DDX10: variants seen among roughly 807,000 people sequenced by gnomAD.
DDX10 encodes the protein DEAD-box helicase 10, also known as probable ATP-dependent RNA helicase DDX10.
Under a neutral mutation model 104.3 loss-of-function variants are expected in DDX10, and 74 were observed. The observed-to-expected ratio is 0.71, with a 90% CI of 0.59 to 0.86. The LOEUF is 0.86. DDX10 is among the 40% of genes least tolerant of loss of function. The probability of loss-of-function intolerance (pLI) is 0.00; values close to 1 mark genes in which losing one functional copy is unlikely to be tolerated. For synonymous variants in DDX10, 351 were observed against 353.4 expected (o/e 0.99, Z 0.08); for missense variants, 952 against 1,040.0 (o/e 0.92, Z 1.16).
At chr11:108,802,145 C>T (rs34848528) in intron 13 of DDX10, among the ~76,000 whole-genome samples, 22,201 of 151,736 alleles carry the variant, frequency 0.15, 1,711 homozygotes, top group East Asian at 0.25. Context: ...GTTGACTAAA[C>T]GTTATCCAAT....
At chr11:108,739,016 T>C (rs2094321724) in intron 13 of DDX10, among the ~76,000 whole-genome samples, 1 of 152,132 alleles carries the variant, frequency 6.6e-6, no homozygotes, top group African/African-American at 2.4e-5. Flanking sequence ...CTGGACAACT[T>C]TCGCCCCTGA....
At chr11:108,852,016 G>C in intron 15 of DDX10, 137 bp from the exon 16 acceptor site, 1 of 660,696 alleles carries the variant, frequency 1.5e-6, no homozygotes, top group Non-Finnish European at 2.6e-6. Context: ...CAATCCCATA[G>C]TAGTAGTCAG....
chr11:108,719,865 A>G lies in DDX10; in HGVS notation c.1479A>G (p.Leu493=), dbSNP rs1417411417. 3.1e-6 allele frequency: 5 copies of G among 1,590,222 alleles called. No individual in the cohort carries two copies. The highest frequency in any genetic ancestry group is 3.5e-6 in the Non-Finnish European group (4 of 1,158,298). ...AAGAAGTATTTGATGTGAGCAAGTT[A>G]CCTATACCTGAATATGCCCTGTAAG... The part of the protein sequence containing the change: ...KDKEVFDVSK[L]PIPEYALSLG... Residue 493 remains leucine (L), a synonymous_variant, in exon 12 of 18, where the codon TTA becomes TTG. Coordinates refer to ENST00000322536, the MANE Select transcript of DDX10 (RefSeq NM_004398.4).
At chr11:108,835,162 A>G (rs1862537041) in intron 13 of DDX10, among the ~76,000 whole-genome samples, 1 of 152,090 alleles carries the variant, frequency 6.6e-6, no homozygotes, top group Non-Finnish European at 1.5e-5. Flanking sequence ...GTTTACTGCC[A>G]CTGTATTTTT....
chr11:108,690,510 T>A (rs1288080503), intron 7 of DDX10: 1 of 155,288 alleles, frequency 6.4e-6, no homozygotes, highest in African/African-American at 2.4e-5. Flanking sequence ...GTTCCCCAAG[T>A]AGCCTCTTGG....
intron 16 of DDX10, among the ~76,000 whole-genome samples, chr11:108,882,841 G>T (rs1369491015): frequency 2.6e-5 from 4 of 152,052 alleles, no homozygotes; most frequent in Non-Finnish European, 5.9e-5. Context: ...GCTTTTGCTG[G>T]GCCAATGATA....
chr11:108,735,829 C>T (rs1184133948), intron 13 of DDX10, among the ~76,000 whole-genome samples: 1 of 152,056 alleles, frequency 6.6e-6, no homozygotes. Flanking sequence ...TTCAGACCTT[C>T]TTTGAACCTT....
intron 10 of DDX10, among the ~76,000 whole-genome samples, chr11:108,708,742 A>G (rs565758559): frequency 6.6e-5 from 10 of 151,944 alleles, no homozygotes. Context: ...TAAATTTTGT[A>G]TTTTTAGTAG....
At chr11:108,694,510 C>G (rs1331018288) in intron 9 of DDX10, among the ~76,000 whole-genome samples, 3 of 152,222 alleles carry the variant, frequency 2.0e-5, no homozygotes, top group African/African-American at 7.2e-5. Context: ...CTCCCTATCT[C>G]TCCTTCTTCC....
intron 13 of DDX10, among the ~76,000 whole-genome samples, chr11:108,754,879 G>C (rs1170294610): frequency 6.6e-6 from 1 of 152,026 alleles, no homozygotes; most frequent in African/African-American, 2.4e-5. Flanking sequence ...CATCAGAAAA[G>C]GTTGGATTTT....
intron 16 of DDX10, among the ~76,000 whole-genome samples, chr11:108,888,150 C>G (rs144042424): frequency 4.1e-4 from 62 of 152,004 alleles, no homozygotes; most frequent in African/African-American, 1.4e-3. Context: ...GGAATAATGA[C>G]TATAATGAAA....
At chr11:108,804,605 A>T (rs2134561709) in intron 13 of DDX10, among the ~76,000 whole-genome samples, 1 of 152,208 alleles carries the variant, frequency 6.6e-6, no homozygotes, top group African/African-American at 2.4e-5. Context: ...GTCTGGGCAC[A>T]GCTTAGCTGG....
chr11:108,815,024 C>T (rs565833623), intron 13 of DDX10, among the ~76,000 whole-genome samples: 30 of 152,214 alleles, frequency 2.0e-4, no homozygotes, highest in Admixed American at 1.2e-3. Context: ...TAGGAATGTT[C>T]TTTATTTTAA....
At chr11:108,800,693 A>C (rs913701731) in intron 13 of DDX10, among the ~76,000 whole-genome samples, 1 of 152,174 alleles carries the variant, frequency 6.6e-6, no homozygotes. Flanking sequence ...TTTCCCATCA[A>C]TATGTGAGAT....
chr11:108,809,097 T>C (rs1039025985), intron 13 of DDX10, among the ~76,000 whole-genome samples: 1 of 152,126 alleles, frequency 6.6e-6, no homozygotes, highest in African/African-American at 2.4e-5. Flanking sequence ...TTGAGTGATA[T>C]ATTGGTTGAT....
chr11:108,829,280 A>G (rs536118720), intron 13 of DDX10, among the ~76,000 whole-genome samples: 1 of 151,994 alleles, frequency 6.6e-6, no homozygotes, highest in South Asian at 2.1e-4. Context: ...TTATTTTTTG[A>G]TTATGGCCAT....
intron 6 of DDX10, among the ~76,000 whole-genome samples, chr11:108,681,462 C>A (rs1432892423): frequency 6.6e-6 from 1 of 152,078 alleles, no homozygotes; most frequent in Non-Finnish European, 1.5e-5. Context: ...AAAGCAGATG[C>A]TCTTAGGAAT....
At chr11:108,711,219 C>G (rs1049504917) in intron 10 of DDX10, among the ~76,000 whole-genome samples, 1 of 152,184 alleles carries the variant, frequency 6.6e-6, no homozygotes, top group Non-Finnish European at 1.5e-5. Context: ...AAGTTATTTT[C>G]ATTTTTATTT....
At chr11:108,876,438 G>A (rs186601525) in intron 16 of DDX10, among the ~76,000 whole-genome samples, 1 of 152,106 alleles carries the variant, frequency 6.6e-6, no homozygotes, top group Non-Finnish European at 1.5e-5. Context: ...ACAAAATGGC[G>A]AGGGGCCTTT....
Sources: gnomAD v4.1 joint callset for allele counts (sites outside exome capture counted in the v4.1 genomes callset) on GRCh38, gnomAD v4.1.1 for gene constraint, MANE v1.5 for transcripts, NCBI Gene and HGNC (gene_info 2026-07-23, HGNC 2026-07-21) for gene names.